Variants in ARSG observed in about 807,000 individuals in gnomAD.
ARSG encodes arylsulfatase G.
ARSG carries 37 observed loss-of-function variants against 50.5 expected under a neutral mutation model. The ratio of observed to expected loss-of-function variants is 0.73; its 90% CI spans 0.56 to 0.96. The LOEUF (loss-of-function observed/expected upper bound fraction) is 0.96. Among genes scored for constraint, ARSG ranks in the 50% least tolerant of loss-of-function variants. The pLI is 0.00. For missense variants in ARSG, 629 were observed against 675.3 expected (o/e 0.93, Z 0.76); for synonymous variants, 225 against 254.6 (o/e 0.88, Z 1.11).
intron 1 of ARSG, among the ~76,000 whole-genome samples, chr17:68,284,319 G>A (rs1228719987): frequency 3.3e-5 from 5 of 151,766 alleles, no homozygotes; most frequent in South Asian, 4.2e-4. Flanking sequence ...ACTTGAACCC[G>A]GGAGGCAGAG....
chr17:68,350,047 G>C (rs1472899971), intron 4 of ARSG, among the ~76,000 whole-genome samples: 1 of 152,240 alleles, frequency 6.6e-6, no homozygotes, highest in Non-Finnish European at 1.5e-5. Flanking sequence ...AATGGGTTGA[G>C]TGCAGGGCTG....
At chr17:68,395,746 T>C (rs1287224829) in intron 10 of ARSG, among the ~76,000 whole-genome samples, 1 of 152,214 alleles carries the variant, frequency 6.6e-6, no homozygotes, top group Non-Finnish European at 1.5e-5. Context: ...GACTGACTAG[T>C]GTCTGCAACT....
intron 9 of ARSG, among the ~76,000 whole-genome samples, chr17:68,393,340 C>G (rs374936745): frequency 1.3e-5 from 2 of 152,086 alleles, no homozygotes; most frequent in Admixed American, 1.3e-4. Flanking sequence ...TGGACGAGTC[C>G]GCCCTTTGTC....
At chr17:68,260,263 T>A (rs1599462121) in intron 1 of ARSG, among the ~76,000 whole-genome samples, 1 of 152,164 alleles carries the variant, frequency 6.6e-6, no homozygotes, top group African/African-American at 2.4e-5. Context: ...ATCCCAAGTC[T>A]CCCTAATGTT....
intron 1 of ARSG, among the ~76,000 whole-genome samples, chr17:68,301,347 A>G (rs539891689): frequency 6.6e-6 from 1 of 152,350 alleles, no homozygotes; most frequent in South Asian, 2.1e-4. Flanking sequence ...TAGATAATAA[A>G]TAACCCTTTG....
intron 2 of ARSG, among the ~76,000 whole-genome samples, chr17:68,309,720 G>A (rs892376226): frequency 6.6e-5 from 10 of 151,938 alleles, no homozygotes; most frequent in Admixed American, 3.9e-4. Flanking sequence ...GTAGCCGGGC[G>A]CAGTGGCAGG....
the ARSG span, chr17:68,436,296 G>A: frequency 1.7e-5 from 22 of 1,258,210 alleles, no homozygotes; most frequent in South Asian, 2.4e-5. Flanking sequence ...TCCAGCCCCC[G>A]ACGGCAGGGC....
At position 68,381,415 on chromosome 17, in the gene ARSG, C is replaced by T. The variant is rs956573105; in HGVS notation, c.983-3649C>T. Among the ~76,000 whole-genome samples, 9 of 152,176 alleles carry T rather than the reference C, an allele frequency of 5.9e-5. No homozygotes were observed. Among genetic ancestry groups the T allele is most frequent in the South Asian group, 4.1e-4 (2 of 4,836 alleles). ...AATGCATTCTCATGGCCATAAGACA[C>T]GCATTTCTCGACAGAAAGCCGAAGG... is the stretch of plus-strand genomic sequence containing the variant. On this transcript the variant is annotated intron_variant, in intron 8 of 11. Coordinates refer to ENST00000621439, the MANE Select transcript of ARSG (RefSeq NM_001267727.2). This position sits in a 1 kb window ranked among gnomAD's most constrained non-coding sequence, Gnocchi z 4.1.
chr17:68,272,161 C>T (rs2075363379), intron 1 of ARSG, among the ~76,000 whole-genome samples: 1 of 152,152 alleles, frequency 6.6e-6, no homozygotes, highest in South Asian at 2.1e-4. Context: ...TGGTCTCGAT[C>T]ACCTGACCTC....
intron 10 of ARSG, among the ~76,000 whole-genome samples, chr17:68,398,474 G>A (rs940649147): frequency 2.0e-5 from 3 of 152,164 alleles, no homozygotes; most frequent in East Asian, 1.9e-4. Context: ...ATGCATACAT[G>A]TGTACATATG....
At chr17:68,351,231 T>A (rs1174231488) in intron 4 of ARSG, among the ~76,000 whole-genome samples, 1 of 152,152 alleles carries the variant, frequency 6.6e-6, no homozygotes, top group Non-Finnish European at 1.5e-5. Context: ...GTTTTTTTTT[T>A]ATCCCTTAAA....
chr17:68,339,965 T>C (rs1329315408), intron 2 of ARSG, among the ~76,000 whole-genome samples: 3 of 152,174 alleles, frequency 2.0e-5, no homozygotes, highest in African/African-American at 7.2e-5. Flanking sequence ...TTGATTTGGC[T>C]GCACCAAAGA....
At chr17:68,318,485 C>T (rs1448701439) in intron 2 of ARSG, among the ~76,000 whole-genome samples, 2 of 152,190 alleles carry the variant, frequency 1.3e-5, no homozygotes, top group Non-Finnish European at 2.9e-5. Context: ...ATTTGAGCTC[C>T]TGGGCAGTAA....
intron 5 of ARSG, among the ~76,000 whole-genome samples, chr17:68,352,259 G>A (rs1272729283): frequency 6.6e-6 from 1 of 151,612 alleles, no homozygotes; most frequent in African/African-American, 2.4e-5. Context: ...GCATTCTGAT[G>A]TTGGAATGCC....
At position 68,307,292 on chromosome 17, in the gene ARSG, T is replaced by TG; in HGVS notation, c.-197dup. On this transcript the variant is annotated 5_prime_UTR_variant, in exon 2 of 12. An upstream open reading frame in the 5' UTR loses its in-frame stop. Coordinates refer to ENST00000621439, the MANE Select transcript of ARSG (RefSeq NM_001267727.2). ...GATTCTTTTGAATTAGGATTCCAGA[T>TG]GGGGGCCTCATTTCTACAGCCCCCA... 2 of 546,462 alleles carry TG rather than the reference T, an allele frequency of 3.7e-6. No individual in the cohort carries two copies. Among genetic ancestry groups the TG allele is most frequent in the Non-Finnish European group, 6.5e-6 (2 of 308,604 alleles). The allele number at this position is 546,462 out of a possible 1,614,324, so 33.9% of individuals were successfully genotyped here.
Position 68,307,628 on chromosome 17 carries a change from C to T in ARSG, c.135C>T (p.Asp45=), listed in dbSNP as rs368642967. The T allele has an allele frequency of 2.5e-6, 4 of 1,613,272 alleles. No individual in the cohort carries two copies. Among genetic ancestry groups the T allele is most frequent in the African/African-American group, 1.3e-5 (1 of 74,878 alleles). The change falls in exon 2 of 12, where the codon GAC becomes GAT. Residue 45 remains aspartate, a synonymous_variant. Coordinates refer to ENST00000621439, the MANE Select transcript of ARSG (RefSeq NM_001267727.2). ...KPNFVIILAD[D]MGWGDLGANW... ...ACTTTGTGATTATTTTGGCCGATGA[C>T]ATGGGGTGGGGTGACCTGGGAGCAA...
chr17:68,313,154 A>G (rs770841299), intron 2 of ARSG, among the ~76,000 whole-genome samples: 25 of 152,002 alleles, frequency 1.6e-4, no homozygotes, highest in Non-Finnish European at 3.4e-4. Flanking sequence ...CCAGCTACTC[A>G]GGAGGCTGAG....
intron 6 of ARSG, among the ~76,000 whole-genome samples, 189 bp downstream of exon 6, chr17:68,356,993 A>G (rs2079062790): frequency 6.6e-6 from 1 of 152,192 alleles, no homozygotes; most frequent in South Asian, 2.1e-4. Context: ...GCGGTCCTGG[A>G]TTAGAGATTC....
chr17:68,413,840 G>T (rs985116382), intron 11 of ARSG: 2 of 153,066 alleles, frequency 1.3e-5, no homozygotes, highest in African/African-American at 4.8e-5. Flanking sequence ...AAGCCTGTCG[G>T]AAAAGCGCAG....
Sources: gnomAD v4.1 joint callset for allele counts (sites outside exome capture counted in the v4.1 genomes callset) on GRCh38, gnomAD v4.1.1 for gene constraint, Gnocchi (gnomAD v3.1) non-coding constraint, MANE v1.5 for transcripts, NCBI Gene and HGNC (gene_info 2026-07-23, HGNC 2026-07-21) for gene names.